Variants in CRY2 observed in about 807,000 individuals in gnomAD.
CRY2 encodes the protein cryptochrome-2.
In CRY2, 31 loss-of-function variants were observed where a neutral mutation model predicts 69.5. The ratio of observed to expected loss-of-function variants is 0.45; its 90% CI spans 0.34 to 0.60. The LOEUF is 0.60. Among genes scored for constraint, CRY2 ranks in the 20% least tolerant of loss-of-function variants. The pLI is 0.02. For missense variants in CRY2, 606 were observed against 797.8 expected, an observed-to-expected ratio of 0.76 and a Z score of 2.90; for synonymous variants, 303 against 312.2, an observed-to-expected ratio of 0.97 and a Z score of 0.31.
At chr11:45,858,305 C>T (rs1012176908) in intron 2 of CRY2, 6 of 165,468 alleles carry the variant, frequency 3.6e-5, no homozygotes, top group Admixed American at 3.5e-4. Context: ...GAAAACTAGG[C>T]CACAAGTCTG....
intron 7 of CRY2, 71 bp from the exon 8 acceptor site, chr11:45,869,982 C>A (rs2086363932): frequency 6.5e-7 from 1 of 1,532,806 alleles, no homozygotes; most frequent in African/African-American, 1.4e-5. Context: ...CTCCTGGGGG[C>A]ACTGTGGTGA....
chr11:45,861,118 A>T, intron 4 of CRY2, 86 bp downstream of exon 4: 1 of 1,418,196 alleles, frequency 7.1e-7, no homozygotes, highest in Non-Finnish European at 9.4e-7. Flanking sequence ...ATGTCATTAT[A>T]GAAAGGTTAG....
chr11:45,872,063 G>A (rs770480084), intron 10 of CRY2, 29 bp from the exon 11 acceptor site: 31 of 1,613,056 alleles, frequency 1.9e-5, no homozygotes, highest in Non-Finnish European at 2.5e-5. Flanking sequence ...TGCACAGTCT[G>A]TGTGACCCTT....
At chr11:45,855,087 T>G (rs1373231061) in intron 1 of CRY2, among the ~76,000 whole-genome samples, 1 of 152,224 alleles carries the variant, frequency 6.6e-6, no homozygotes, top group African/African-American at 2.4e-5. Flanking sequence ...TCAGCAAATG[T>G]TAATGTCCTT....
In CRY2 at chr11:45,869,590, C is replaced by G; in HGVS notation, c.967C>G (p.Pro323Ala). 6.2e-7 allele frequency: 1 copy of G among 1,614,244 alleles called. No individual in the cohort carries two copies. Among genetic ancestry groups the G allele is most frequent in the Non-Finnish European group, 8.5e-7 (1 of 1,180,044 alleles). The change falls in exon 7 of 12, where the codon CCC becomes GCC. Residue 323 changes from proline (P) to alanine (A), a missense_variant. By Grantham distance (27) the Pro-to-Ala change is conservative (BLOSUM62 -1). Coordinates refer to ENST00000616080, the MANE Select transcript of CRY2 (RefSeq NM_021117.5). ...CTTCTACACGGCAGCTACCAACAACCCCAGGTTTGACCGCATGGAGGGGAA... is the reference window on the plus strand; with the variant it reads ...CTTCTACACGGCAGCTACCAACAACGCCAGGTTTGACCGCATGGAGGGGAA... Reference protein sequence around the residue: ...EFFYTAATNNPRFDRMEGNPI... With the variant: ...EFFYTAATNNARFDRMEGNPI...
chr11:45,856,025 A>C lies in CRY2; in HGVS notation c.259A>C (p.Lys87Gln). The C allele has an allele frequency of 6.2e-7, 1 of 1,614,206 alleles. No individual in the cohort carries two copies. The highest frequency in any genetic ancestry group is 8.5e-7 in the Non-Finnish European group (1 of 1,180,046). Residue 87 changes from lysine to glutamine, a missense_variant, in exon 2 of 12, where the codon AAA becomes CAA. By Grantham distance (53) the Lys-to-Gln change is moderately conservative (BLOSUM62 1). Coordinates refer to ENST00000616080, the MANE Select transcript of CRY2 (RefSeq NM_021117.5). ...GGAAGATTTGGACACAAGTTTAAGG[A>C]AACTGAACTCCCGCCTGTTTGTAGT... Reference protein sequence around the residue: ...SLEDLDTSLRKLNSRLFVVRG... With the variant: ...SLEDLDTSLRQLNSRLFVVRG...
intron 5 of CRY2, among the ~76,000 whole-genome samples, chr11:45,865,857 A>G (rs1483456127): frequency 1.3e-5 from 2 of 152,222 alleles, no homozygotes; most frequent in Non-Finnish European, 2.9e-5. Context: ...CACTGTGTAC[A>G]TTATCCCGAG....
chr11:45,848,138 C>G (rs957181669), intron 1 of CRY2, among the ~76,000 whole-genome samples: 18 of 152,238 alleles, frequency 1.2e-4, no homozygotes, highest in South Asian at 2.1e-4. Flanking sequence ...TTCAAGAGCC[C>G]GTTGCTGGGC....
At chr11:45,862,998 A>G (rs1398971645) in intron 5 of CRY2, among the ~76,000 whole-genome samples, 1 of 152,228 alleles carries the variant, frequency 6.6e-6, no homozygotes, top group Non-Finnish European at 1.5e-5. Flanking sequence ...TATTTTGCCT[A>G]GCAGCCAGAT....
chr11:45,854,458 C>T lies in CRY2; in HGVS notation c.216-1524C>T, dbSNP rs138924205. 3.8e-3 allele frequency among the ~76,000 whole-genome samples: 581 copies of T among 152,188 alleles called. 3 individuals are homozygous for T. The highest frequency in any genetic ancestry group is 0.013 in the African/African-American group (549 of 41,528). On this transcript the variant is annotated intron_variant, in intron 1 of 11. Transcript: ENST00000616080. Reference sequence around the variant, plus strand: ...CAGCACTTTGGATGGCTGAGGAGGGCGGATCACTTGAGGTCAGGAGTTCAA... The same window carrying T: ...CAGCACTTTGGATGGCTGAGGAGGGTGGATCACTTGAGGTCAGGAGTTCAA...
chr11:45,847,328 C>G, upstream of CRY2: 2 of 1,587,212 alleles, frequency 1.3e-6, no homozygotes, highest in Non-Finnish European at 1.7e-6. Context: ...CTGGGCCAAT[C>G]GCCAGGTGGA....
intron 1 of CRY2, among the ~76,000 whole-genome samples, chr11:45,853,434 A>G (rs972317717): frequency 5.9e-5 from 9 of 152,204 alleles, no homozygotes; most frequent in Admixed American, 4.6e-4. Flanking sequence ...TACTTTAGAG[A>G]TGCTACGAGG....
intron 10 of CRY2, 31 bp from the exon 11 acceptor site, chr11:45,872,061 C>G: frequency 6.2e-7 from 1 of 1,612,210 alleles, no homozygotes; most frequent in South Asian, 1.1e-5. Flanking sequence ...CATGCACAGT[C>G]TGTGTGACCC....
At chr11:45,852,835 AG>A (rs2086207844) in intron 1 of CRY2, among the ~76,000 whole-genome samples, 1 of 152,240 alleles carries the variant, frequency 6.6e-6, no homozygotes. Context: ...GCTAAAATAC[AG>A]ATTCTAATTT....
In CRY2 at chr11:45,864,476, C is replaced by T. The variant is rs113676927; in HGVS notation, c.741+2328C>T. ...CATCTCTAAATAAAAACAAATTAGCCGGGTGTGGCAGCATGTGCCTGTAGT... is the reference window on the plus strand; with the variant it reads ...CATCTCTAAATAAAAACAAATTAGCTGGGTGTGGCAGCATGTGCCTGTAGT... On this transcript the variant is annotated intron_variant, in intron 5 of 11. Transcript: ENST00000616080. Among the ~76,000 whole-genome samples the T allele has an allele frequency of 3.8e-3, 578 of 151,702 alleles. 3 individuals carry two copies. Among genetic ancestry groups the T allele is most frequent in the African/African-American group, 0.013 (547 of 41,322 alleles).
rs2086264980 is a variant in CRY2 at position 45,859,011 on chromosome 11, G to C, written c.467+138G>C. 5 of 1,050,554 alleles carry C rather than the reference G, an allele frequency of 4.8e-6. No individual in the cohort carries two copies. The East Asian group carries it at 1.3e-4, about 27-fold the overall frequency. The allele number at this position is 1,050,554 out of a possible 1,614,324, so 65.1% of individuals were successfully genotyped here. A position where few individuals can be genotyped will look rare whatever the true frequency, so the allele number is the denominator to read the frequency against. On this transcript the variant is annotated intron_variant, in intron 3 of 11. Coordinates refer to ENST00000616080, the MANE Select transcript of CRY2 (RefSeq NM_021117.5). ...ATGGCATCTTCTAGAAGCTGGAGGAGAATAGGCCAGAGTCAGGACCTGTAG... is the reference window on the plus strand; with the variant it reads ...ATGGCATCTTCTAGAAGCTGGAGGACAATAGGCCAGAGTCAGGACCTGTAG...
rs1441186201 is a variant in CRY2, at chr11:45,855,902, C to A, written c.216-80C>A. On this transcript the variant is annotated intron_variant, in intron 1 of 11. Coordinates refer to ENST00000616080, the MANE Select transcript of CRY2 (RefSeq NM_021117.5). ...CTGCCTGTTGGGCATAAACAGCGAA[C>A]CAGTTTCTCCCTGCTTTGTTAGGAA... The A allele has an allele frequency of 3.2e-6, 4 of 1,253,826 alleles. No homozygotes were observed. In the African/African-American group the frequency reaches 4.5e-5, roughly 14 times the overall value. The allele number at this position is 1,253,826 out of a possible 1,614,324, so 77.7% of individuals were successfully genotyped here.
chr11:45,867,717 C>T lies in CRY2; in HGVS notation c.847C>T (p.Leu283Phe), dbSNP rs763006675. 6.2e-7 allele frequency: 1 copy of T among 1,614,246 alleles called. No individual in the cohort carries two copies. Among genetic ancestry groups the T allele is most frequent in the South Asian group, 1.1e-5 (1 of 91,084 alleles). ...YLRFGCLSCR[L>F]FYYRLWDLYK... ...GCGCTTTGGTTGTCTCTCCTGCCGCCTCTTCTACTACCGCCTGTGGGACCT... is the reference window on the plus strand; with the variant it reads ...GCGCTTTGGTTGTCTCTCCTGCCGCTTCTTCTACTACCGCCTGTGGGACCT... The change falls in exon 6 of 12, where the codon CTC (leucine) becomes TTC (phenylalanine). Residue 283 changes from leucine (L) to phenylalanine (F), a missense_variant. By Grantham distance (22) the Leu-to-Phe change is conservative (BLOSUM62 0). This residue lies in a region of CRY2 where 382 missense variants were observed against 508.9 expected (regional missense o/e 0.75). Coordinates refer to ENST00000616080, the MANE Select transcript of CRY2 (RefSeq NM_021117.5).
chr11:45,855,501 CACA>C (rs2086232339), intron 1 of CRY2, among the ~76,000 whole-genome samples: 1 of 152,200 alleles, frequency 6.6e-6, no homozygotes. Flanking sequence ...ACGTGAGTCT[CACA>C]ACAACCTCAT....
Sources: allele counts gnomAD v4.1 joint callset (sites outside exome capture counted in the v4.1 genomes callset), GRCh38; gene constraint gnomAD v4.1.1; regional missense constraint gnomAD v4.1.1; transcripts MANE v1.5; gene names NCBI Gene and HGNC (gene_info 2026-07-23, HGNC 2026-07-21).